The following ANO4 variants were observed in gnomAD, a reference collection of about 807,000 sequenced individuals.
ANO4 encodes anoctamin-4.
ANO4 carries 69 observed loss-of-function variants against 141.9 expected under a neutral mutation model. The observed-to-expected ratio is 0.49, with a 90% CI of 0.40 to 0.59. The LOEUF is 0.59. Ranked by LOEUF, ANO4 falls within the 20% of genes least tolerant of loss-of-function variation. The pLI is 0.00. For missense variants in ANO4, 894 were observed against 1,162.2 expected (o/e 0.77, Z 3.36); for synonymous variants, 350 against 394.3 (o/e 0.89, Z 1.33).
intron 9 of ANO4, among the ~76,000 whole-genome samples, chr12:101,030,656 C>A (rs1229736967): frequency 6.6e-6 from 1 of 151,462 alleles, no homozygotes; most frequent in African/African-American, 2.4e-5. Flanking sequence ...GATAGAGACA[C>A]AAAAACCCTC....
At chr12:100,824,867 A>G (rs1043243086) in intron 1 of ANO4, among the ~76,000 whole-genome samples, 16 of 152,088 alleles carry the variant, frequency 1.1e-4, no homozygotes, top group Admixed American at 3.9e-4. Flanking sequence ...GAGCTATATT[A>G]AAAATGTTGA....
rs964931206 is a variant in ANO4, at chr12:101,113,858, T to G, written c.2450+2148T>G. On this transcript the variant is annotated intron_variant, in intron 24 of 27. Transcript: ENST00000392977. ...ATGAGTGTGTGGTCTTCTCAGAAGT[T>G]ACATGGAAGAGATATGCATCCTAAT... Among the ~76,000 whole-genome samples, 4 of 152,334 alleles carry G rather than the reference T, an allele frequency of 2.6e-5. No homozygotes were observed. The East Asian group carries it at 7.7e-4, about 29-fold the overall frequency.
chr12:100,752,746 A>G (rs929240588), intron 3 of ANO4, among the ~76,000 whole-genome samples: 5 of 152,158 alleles, frequency 3.3e-5, no homozygotes, highest in Admixed American at 3.3e-4. Flanking sequence ...GATCCCTCAA[A>G]AGGGCTCTGT....
chr12:100,778,197 G>T (rs995975866), intron 3 of ANO4, among the ~76,000 whole-genome samples: 2 of 152,136 alleles, frequency 1.3e-5, no homozygotes, highest in African/African-American at 4.8e-5. Flanking sequence ...GGGATTACAG[G>T]TGTAAGCCAC....
At chr12:100,806,523 C>CTTTTTTTT (rs1593379234) in intron 1 of ANO4, among the ~76,000 whole-genome samples, 1,365 of 44,954 alleles carry the variant, frequency 0.03, 409 homozygotes, top group Middle Eastern at 0.067. Flanking sequence ...TTTTTTGTTT[C>CTTTTTTTT]GTTTTTTTTT....
intron 3 of ANO4, among the ~76,000 whole-genome samples, chr12:100,759,089 C>G (rs571066049): frequency 6.6e-6 from 1 of 152,166 alleles, no homozygotes; most frequent in African/African-American, 2.4e-5. Flanking sequence ...TAACTCACCA[C>G]ACTTGGTATT....
At chr12:100,732,686 C>T (rs1256372714) in intron 1 of ANO4, among the ~76,000 whole-genome samples, 1 of 152,030 alleles carries the variant, frequency 6.6e-6, no homozygotes, top group African/African-American at 2.4e-5. Flanking sequence ...TTTTGTGTTC[C>T]TGCAATGTTT....
intron 3 of ANO4, among the ~76,000 whole-genome samples, chr12:100,760,033 A>G (rs1025247180): frequency 2.6e-5 from 4 of 152,154 alleles, no homozygotes; most frequent in South Asian, 2.1e-4. Flanking sequence ...TGAGGCCCCC[A>G]TGTACCCCTC....
In ANO4 at chr12:101,086,638, G is replaced by A. The variant is rs373162815; in HGVS notation, c.1537-22G>A. The stretch of plus-strand genomic sequence containing the variant: ...GTAACATTCCACCAAGAGGTTCACC[G>A]GGTGTCTTGTCTTCCTGCCAGATCT... On this transcript the variant is annotated intron_variant, in intron 16 of 27. Coordinates refer to ENST00000392977, the MANE Select transcript of ANO4 (RefSeq NM_001286615.2). 15 of 1,612,422 alleles carry A rather than the reference G, an allele frequency of 9.3e-6. No individual in the cohort carries two copies. The African/African-American group carries it at 1.1e-4, about 11-fold the overall frequency.
chr12:100,776,050 C>T (rs1565868931), intron 3 of ANO4, among the ~76,000 whole-genome samples: 1 of 152,162 alleles, frequency 6.6e-6, no homozygotes. Context: ...TACTATATGC[C>T]AAGCACTGTT....
At chr12:100,933,036 G>C (rs1037381412) in intron 3 of ANO4, among the ~76,000 whole-genome samples, 3 of 151,976 alleles carry the variant, frequency 2.0e-5, no homozygotes, top group South Asian at 4.2e-4. Flanking sequence ...AGCCCTTCCT[G>C]GGTCTGAATG....
At chr12:100,841,920 A>G (rs1422724263) in intron 1 of ANO4, among the ~76,000 whole-genome samples, 1 of 152,062 alleles carries the variant, frequency 6.6e-6, no homozygotes, top group Non-Finnish European at 1.5e-5. Context: ...CTTGTGTTTT[A>G]AGAGAGGTAC....
At chr12:100,983,892 G>A (rs1421865245) in intron 7 of ANO4, among the ~76,000 whole-genome samples, 1 of 152,068 alleles carries the variant, frequency 6.6e-6, no homozygotes, top group Non-Finnish European at 1.5e-5. Flanking sequence ...CATCTTTGTG[G>A]GGGCAACTCT....
At chr12:101,055,962 A>C (rs1028145210) in intron 14 of ANO4, among the ~76,000 whole-genome samples, 1 of 152,138 alleles carries the variant, frequency 6.6e-6, no homozygotes. Context: ...TTTGGTTGAA[A>C]TCAATGGGCC....
intron 1 of ANO4, among the ~76,000 whole-genome samples, chr12:100,831,753 G>T (rs1246206402): frequency 6.6e-6 from 1 of 152,088 alleles, no homozygotes; most frequent in Non-Finnish European, 1.5e-5. Flanking sequence ...CATGGGTTTT[G>T]CATGGCTAGC....
At chr12:100,862,370 G>A (rs2135894206) in intron 1 of ANO4, among the ~76,000 whole-genome samples, 1 of 152,284 alleles carries the variant, frequency 6.6e-6, no homozygotes, top group Non-Finnish European at 1.5e-5. Flanking sequence ...TGCCCAGGCT[G>A]GAGTGCAGTG....
At chr12:100,740,077 C>T (rs1385256556) in exon 3 of ANO4, 1 of 702,554 alleles carries the variant, frequency 1.4e-6, no homozygotes, top group Admixed American at 2.0e-5. Flanking sequence ...GCAGTAGCAG[C>T]CAGGAAACCC....
At chr12:100,843,908 C>A (rs2037412965) in intron 1 of ANO4, among the ~76,000 whole-genome samples, 1 of 152,170 alleles carries the variant, frequency 6.6e-6, no homozygotes, top group Admixed American at 6.5e-5. Context: ...CCGATAGAAG[C>A]TGAGCTAAAA....
intron 1 of ANO4, among the ~76,000 whole-genome samples, chr12:100,857,081 T>G (rs2038211683): frequency 6.6e-6 from 1 of 152,084 alleles, no homozygotes; most frequent in African/African-American, 2.4e-5. Context: ...CATGTGGCAG[T>G]GGAAAAACCA....
Sources: allele counts gnomAD v4.1 joint callset (sites outside exome capture counted in the v4.1 genomes callset), GRCh38; gene constraint gnomAD v4.1.1; transcripts MANE v1.5; gene names NCBI Gene and HGNC (gene_info 2026-07-23, HGNC 2026-07-21).